SERPINI1: variants seen among roughly 807,000 people sequenced by gnomAD.
The protein encoded by SERPINI1 is serpin family I member 1, also known as neuroserpin.
SERPINI1 carries 19 observed loss-of-function variants against 41.1 expected under a neutral mutation model. That is an observed-to-expected ratio of 0.46 (90% confidence interval 0.32 to 0.68). The LOEUF is 0.68. Ranked by LOEUF, SERPINI1 falls within the 30% of genes least tolerant of loss-of-function variation. The pLI, the probability that SERPINI1 is intolerant of heterozygous loss-of-function variation, is 0.03. For missense variants in SERPINI1, 460 were observed against 479.2 expected (o/e 0.96, Z 0.37); for synonymous variants, 138 against 156.6 (o/e 0.88, Z 0.89).
intron 1 of SERPINI1, among the ~76,000 whole-genome samples, chr3:167,772,822 GAC>G (rs1560002442): frequency 2.3e-5 from 1 of 42,984 alleles, no homozygotes; most frequent in East Asian, 6.4e-4. Flanking sequence ...AGTATCTTGA[GAC>G]TCTCTCTCTC....
chr3:167,788,374 G>A (rs1727381180), intron 1 of SERPINI1, among the ~76,000 whole-genome samples: 1 of 152,154 alleles, frequency 6.6e-6, no homozygotes, highest in Non-Finnish European at 1.5e-5. Context: ...AGAAACACCA[G>A]TTTGTTTGGT....
chr3:167,801,222 A>G (rs1330103048), intron 5 of SERPINI1, among the ~76,000 whole-genome samples: 3 of 152,186 alleles, frequency 2.0e-5, no homozygotes, highest in African/African-American at 7.2e-5. Context: ...CCTAGGATAT[A>G]TTTGTTATTT....
chr3:167,772,878 A>C (rs1178622475), intron 1 of SERPINI1, among the ~76,000 whole-genome samples: 13 of 62,280 alleles, frequency 2.1e-4, no homozygotes, highest in African/African-American at 5.4e-4. Context: ...ATATATATAT[A>C]TATATATATA....
intron 3 of SERPINI1, among the ~76,000 whole-genome samples, chr3:167,791,123 A>G (rs1727492319): frequency 6.6e-6 from 1 of 152,158 alleles, no homozygotes; most frequent in Non-Finnish European, 1.5e-5. Context: ...AATGAGATGC[A>G]TTCATTCGAA....
intron 1 of SERPINI1, among the ~76,000 whole-genome samples, chr3:167,787,283 T>A (rs996817477): frequency 9.2e-5 from 14 of 152,222 alleles, no homozygotes; most frequent in Non-Finnish European, 1.5e-5. Context: ...AGTTATTTTT[T>A]TAAAATGATA....
At chr3:167,812,596 A>T (rs558862832) in intron 6 of SERPINI1, among the ~76,000 whole-genome samples, 1 of 152,328 alleles carries the variant, frequency 6.6e-6, no homozygotes, top group African/African-American at 2.4e-5. Context: ...TATGTGTCTA[A>T]TATTCCCTGC....
chr3:167,739,373 G>C (rs551585577), intron 1 of SERPINI1, among the ~76,000 whole-genome samples: 1 of 152,284 alleles, frequency 6.6e-6, no homozygotes, highest in African/African-American at 2.4e-5. Flanking sequence ...AGAGTCAGCT[G>C]ACCTCACAGA....
At chr3:167,782,139 G>A (rs576106808) in intron 1 of SERPINI1, among the ~76,000 whole-genome samples, 78 of 152,190 alleles carry the variant, frequency 5.1e-4, no homozygotes, top group African/African-American at 1.9e-3. Context: ...AGAGTAGCTA[G>A]AAAAATAATA....
intron 6 of SERPINI1, among the ~76,000 whole-genome samples, chr3:167,820,160 C>T (rs935386520): frequency 1.3e-5 from 2 of 150,512 alleles, no homozygotes; most frequent in African/African-American, 2.5e-5. Flanking sequence ...TGTAGATGGC[C>T]GTCTGTCCCC....
rs527942963 is a variant in SERPINI1 at position 167,777,713 on chromosome 3, G to A, written c.-18-11398G>A. Among the ~76,000 whole-genome samples the A allele has an allele frequency of 2.6e-3, 400 of 152,232 alleles. 1 individual carries two copies. The highest frequency in any genetic ancestry group is 9.3e-3 in the African/African-American group (387 of 41,522). ...AAGAAAGTACTTTAGAAATTCTAGGGACTGTTGGCACTACATATTCTCTTA... is the reference window on the plus strand; with the variant it reads ...AAGAAAGTACTTTAGAAATTCTAGGAACTGTTGGCACTACATATTCTCTTA... On this transcript the variant is annotated intron_variant, in intron 1 of 8. Transcript: ENST00000446050.
intron 1 of SERPINI1, among the ~76,000 whole-genome samples, chr3:167,744,629 A>AT (rs1183822388): frequency 1.5e-5 from 2 of 137,128 alleles, no homozygotes; most frequent in Admixed American, 1.5e-4. Context: ...ATATTTAAAT[A>AT]TTTTATATTT....
chr3:167,759,399 G>GATATATATATATATATATATAT lies in SERPINI1; in HGVS notation c.-19+23576_-19+23577insATATATATATATATATATATAT, dbSNP rs1364573755. Among the ~76,000 whole-genome samples the GATATATATATATATATATATAT allele has an allele frequency of 3.8e-4, 31 of 81,570 alleles. 1 individual carries two copies. Among genetic ancestry groups the GATATATATATATATATATATAT allele is most frequent in the African/African-American group, 4.5e-4 (7 of 15,466 alleles). 53.5% of individuals were successfully genotyped at this position (81,570 alleles called of 152,430 possible). A position where few individuals can be genotyped will look rare whatever the true frequency, so the allele number is the denominator to read the frequency against. On this transcript the variant is annotated intron_variant, in intron 1 of 8. Transcript: ENST00000446050. ...CATCAACATTGGATAAAGAAAATGT[G>GATATATATATATATATATATAT]GTATATATATATATATATATATGCG... is the stretch of plus-strand genomic sequence containing the variant.
chr3:167,816,322 A>G (rs576488863), intron 6 of SERPINI1, among the ~76,000 whole-genome samples: 13 of 152,338 alleles, frequency 8.5e-5, no homozygotes, highest in Non-Finnish European at 1.8e-4. Flanking sequence ...CTGGGACTAC[A>G]GGCATGAGCC....
intron 5 of SERPINI1, among the ~76,000 whole-genome samples, 161 bp from the exon 6 acceptor site, chr3:167,807,083 T>C (rs1711672505): frequency 6.6e-6 from 1 of 152,192 alleles, no homozygotes. Context: ...GCCACCTATT[T>C]TTCCATGTTC....
At chr3:167,751,688 G>A (rs1275211549) in intron 1 of SERPINI1, among the ~76,000 whole-genome samples, 1 of 152,096 alleles carries the variant, frequency 6.6e-6, no homozygotes, top group Non-Finnish European at 1.5e-5. Context: ...CAACTCAACT[G>A]TCAGGATGAA....
chr3:167,784,265 T>A (rs1727233997), intron 1 of SERPINI1, among the ~76,000 whole-genome samples: 1 of 152,224 alleles, frequency 6.6e-6, no homozygotes, highest in Non-Finnish European at 1.5e-5. Context: ...GGATGATTTA[T>A]TCTTCTCATT....
chr3:167,807,493 A>G, intron 6 of SERPINI1, 152 bp downstream of exon 6: 1 of 616,272 alleles, frequency 1.6e-6, no homozygotes, highest in East Asian at 2.8e-5. Context: ...TAACCTCTAC[A>G]AGCAAAACTA....
chr3:167,748,752 CTGTGTGTGTGTGTG>C (rs34438429), intron 1 of SERPINI1, among the ~76,000 whole-genome samples: 41 of 143,636 alleles, frequency 2.9e-4, no homozygotes, highest in East Asian at 8.3e-4. Flanking sequence ...GTGTGTTACT[CTGTGTGTGTGTGTG>C]TGTGTGTGTG....
intron 5 of SERPINI1, among the ~76,000 whole-genome samples, chr3:167,797,041 A>G (rs1228324513): frequency 1.3e-5 from 2 of 152,172 alleles, no homozygotes; most frequent in Non-Finnish European, 2.9e-5. Context: ...TGACTTTTTA[A>G]TAATTGCCAT....
Sources: allele counts gnomAD v4.1 joint callset (sites outside exome capture counted in the v4.1 genomes callset), GRCh38; gene constraint gnomAD v4.1.1; transcripts MANE v1.5; gene names NCBI Gene and HGNC (gene_info 2026-07-23, HGNC 2026-07-21).